ZNF366: variants seen among roughly 807,000 people sequenced by gnomAD.
The protein encoded by ZNF366 is zinc finger protein 366.
Under a neutral mutation model 47.2 loss-of-function variants are expected in ZNF366, and 20 were observed. That is an observed-to-expected ratio of 0.42 (90% CI 0.30 to 0.62). ZNF366 has a LOEUF of 0.62. Among genes scored for constraint, ZNF366 ranks in the 20% least tolerant of loss-of-function variants. The pLI is 0.16. For missense variants in ZNF366, 987 were observed against 976.3 expected, an observed-to-expected ratio of 1.01 and a Z score of -0.15; for synonymous variants, 421 against 395.1, an observed-to-expected ratio of 1.07 and a Z score of -0.78.
chr5:72,482,776 G>GTGTGTGTA (rs1182113096), intron 1 of ZNF366, among the ~76,000 whole-genome samples: 1 of 151,530 alleles, frequency 6.6e-6, no homozygotes, highest in Non-Finnish European at 1.5e-5. Context: ...GTGTGTGTGT[G>GTGTGTGTA]TGTGTGTGAT....
intron 1 of ZNF366, among the ~76,000 whole-genome samples, chr5:72,475,887 A>G (rs1368591014): frequency 6.6e-6 from 1 of 152,116 alleles, no homozygotes; most frequent in Non-Finnish European, 1.5e-5. Flanking sequence ...CGGTGACACC[A>G]TGCCGTCATG....
chr5:72,458,262 C>T (rs1008435811), intron 2 of ZNF366, among the ~76,000 whole-genome samples: 4 of 152,004 alleles, frequency 2.6e-5, no homozygotes, highest in Non-Finnish European at 4.4e-5. Flanking sequence ...GTGATCCGCC[C>T]GTCTCGGCCT....
In ZNF366 at chr5:72,461,128, C is replaced by T. The variant is rs1219328728; in HGVS notation, c.369G>A (p.Lys123=). 3 of 1,614,110 alleles carry T rather than the reference C, an allele frequency of 1.9e-6. No individual in the cohort carries two copies. Among genetic ancestry groups the T allele is most frequent in the East Asian group, 2.2e-5 (1 of 44,870 alleles). The change falls in exon 2 of 5, where the codon AAG becomes AAA. Residue 123 remains lysine (K), a synonymous_variant. Transcript: ENST00000318442. ...ACAGGTCGATCATCTGAGAGTCATA[C>T]TTGGGGCGCGGGGGCTGCGGGAACA... The part of the protein sequence containing the change: ...PLLFPQPPRP[K]YDSQMIDLCN...
intron 1 of ZNF366, among the ~76,000 whole-genome samples, chr5:72,466,103 A>G (rs1743422785): frequency 6.6e-6 from 1 of 152,168 alleles, no homozygotes; most frequent in South Asian, 2.1e-4. Flanking sequence ...ATCATGACTC[A>G]TGGCATCTGG....
chr5:72,467,868 A>G (rs775096497), intron 1 of ZNF366, among the ~76,000 whole-genome samples: 8 of 152,130 alleles, frequency 5.3e-5, no homozygotes, highest in Non-Finnish European at 1.2e-4. Context: ...AGCAGGGAAA[A>G]GGTGAGAGTC....
intron 3 of ZNF366, 129 bp downstream of exon 3, chr5:72,456,275 G>A (rs1743184009): frequency 2.1e-6 from 2 of 937,254 alleles, no homozygotes. Flanking sequence ...ATGGGACCTG[G>A]GGTTGGCCAC....
chr5:72,499,361 G>A (rs921206097), intron 1 of ZNF366, among the ~76,000 whole-genome samples: 1 of 152,058 alleles, frequency 6.6e-6, no homozygotes, highest in African/African-American at 2.4e-5. Flanking sequence ...TCCTTGCCCA[G>A]ATCTCTGAAA....
At chr5:72,487,095 G>A (rs1270610689) in intron 1 of ZNF366, among the ~76,000 whole-genome samples, 1 of 152,180 alleles carries the variant, frequency 6.6e-6, no homozygotes, top group Non-Finnish European at 1.5e-5. Context: ...CATTTTAAGT[G>A]ATCAACAATT....
At chr5:72,447,142 T>C in intron 4 of ZNF366, 101 bp downstream of exon 4, 3 of 1,357,152 alleles carry the variant, frequency 2.2e-6, no homozygotes, top group Non-Finnish European at 3.1e-6. Context: ...TGCTGTGGTC[T>C]TGACAAGAAT....
At chr5:72,455,151 G>A (rs1321504760) in intron 3 of ZNF366, among the ~76,000 whole-genome samples, 1 of 152,172 alleles carries the variant, frequency 6.6e-6, no homozygotes, top group Non-Finnish European at 1.5e-5. Flanking sequence ...GAAGTGGGTG[G>A]CAGGAAAAGG....
At chr5:72,471,110 T>A (rs1387457772) in intron 1 of ZNF366, among the ~76,000 whole-genome samples, 1 of 152,200 alleles carries the variant, frequency 6.6e-6, no homozygotes, top group Non-Finnish European at 1.5e-5. Flanking sequence ...TTTCCCTCAC[T>A]GACTCAATAG....
At chr5:72,491,303 G>T (rs964650761) in intron 1 of ZNF366, among the ~76,000 whole-genome samples, 20 of 152,190 alleles carry the variant, frequency 1.3e-4, no homozygotes, top group Non-Finnish European at 2.1e-4. Flanking sequence ...TCCACTCTAA[G>T]CCCTCTTCCT....
intron 2 of ZNF366, among the ~76,000 whole-genome samples, chr5:72,459,252 A>G (rs1393563871): frequency 6.6e-6 from 1 of 152,210 alleles, no homozygotes; most frequent in African/African-American, 2.4e-5. Flanking sequence ...TCAGAATTAA[A>G]GAATGCTTTA....
At chr5:72,495,465 T>G (rs1225379622) in intron 1 of ZNF366, among the ~76,000 whole-genome samples, 1 of 152,190 alleles carries the variant, frequency 6.6e-6, no homozygotes, top group Non-Finnish European at 1.5e-5. Context: ...TGGTTGTAAC[T>G]GCTCCTGTAT....
intron 1 of ZNF366, among the ~76,000 whole-genome samples, chr5:72,480,614 C>T (rs548057451): frequency 6.6e-6 from 1 of 152,234 alleles, no homozygotes; most frequent in East Asian, 1.9e-4. Context: ...AAGTTTTCAT[C>T]TTCATTTATA....
At chr5:72,489,618 C>T (rs1561203277) in intron 1 of ZNF366, among the ~76,000 whole-genome samples, 1 of 152,198 alleles carries the variant, frequency 6.6e-6, no homozygotes, top group Non-Finnish European at 1.5e-5. Context: ...CTTACCAGCC[C>T]TGAGCTTTGC....
At chr5:72,479,576 G>A (rs1206006639) in intron 1 of ZNF366, among the ~76,000 whole-genome samples, 2 of 151,972 alleles carry the variant, frequency 1.3e-5, no homozygotes, top group Admixed American at 1.3e-4. Flanking sequence ...TCACAAAAGT[G>A]ACAACTTAAA....
intron 3 of ZNF366, among the ~76,000 whole-genome samples, chr5:72,448,574 T>A (rs1743003907): frequency 6.6e-6 from 1 of 152,086 alleles, no homozygotes; most frequent in South Asian, 2.1e-4. Context: ...GAATTCTCCT[T>A]CCCTCCCCAA....
rs1742909614 is a variant in ZNF366, at chr5:72,444,051, T to A, written c.1940A>T (p.Asp647Val). ...GGCGTGCTCCGACTTGGTGGACAGA[T>A]CCTCGGGTGTGCAGAGCTGCTGGCT... is the stretch of plus-strand genomic sequence containing the variant. ...PQSQQLCTPE[D>V]LSTKSEHAPE... Residue 647 changes from aspartate (D) to valine (V), a missense_variant, in exon 5 of 5, where the codon GAT becomes GTT. Physicochemically the swap from Asp to Val is radical, Grantham distance 152. Around this residue, in one of 3 missense-constraint regions of ZNF366, gnomAD observed 285 missense variants for 234.8 expected, o/e 1.21. Transcript: ENST00000318442. 3 of 1,614,170 alleles carry A rather than the reference T, an allele frequency of 1.9e-6. No individual in the cohort carries two copies. Among genetic ancestry groups the A allele is most frequent in the Non-Finnish European group, 2.5e-6 (3 of 1,180,028 alleles).
Sources: allele counts gnomAD v4.1 joint callset (sites outside exome capture counted in the v4.1 genomes callset), GRCh38; gene constraint gnomAD v4.1.1; regional missense constraint gnomAD v4.1.1; transcripts MANE v1.5; gene names NCBI Gene and HGNC (gene_info 2026-07-23, HGNC 2026-07-21).